The following VWC2 variants were observed in gnomAD, a reference collection of about 807,000 sequenced individuals.
The protein encoded by VWC2 is von Willebrand factor C domain containing 2.
VWC2 carries 14 observed loss-of-function variants against 29.8 expected under a neutral mutation model. The ratio of observed to expected loss-of-function variants is 0.47; its 90% CI spans 0.31 to 0.74. The LOEUF (loss-of-function observed/expected upper bound fraction) is 0.74. Ranked by LOEUF, VWC2 falls within the 30% of genes least tolerant of loss-of-function variation. The pLI is 0.05. For synonymous variants in VWC2, 213 were observed against 199.0 expected, an observed-to-expected ratio of 1.07 and a Z score of -0.59; for missense variants, 457 against 459.8, an observed-to-expected ratio of 0.99 and a Z score of 0.05.
rs1336221759 is a variant in VWC2, at chr7:49,775,769, C to G, written c.334C>G (p.Arg112Gly). 7 of 1,517,056 alleles carry G rather than the reference C, an allele frequency of 4.6e-6. No individual in the cohort carries two copies. In the East Asian group the frequency reaches 1.8e-4, roughly 38 times the overall value. The allele number at this position is 1,517,056 out of a possible 1,614,324, so 94.0% of individuals were successfully genotyped here. A position where few individuals can be genotyped will look rare whatever the true frequency, so the allele number is the denominator to read the frequency against. Residue 112 changes from arginine (R) to glycine (G), a missense_variant, in exon 2 of 4, where the codon CGG (arginine) becomes GGG (glycine). Arg to Gly is a moderately radical substitution (Grantham distance 125). Around this residue, in one of 2 missense-constraint regions of VWC2, gnomAD observed 272 missense variants for 202.7 expected, o/e 1.34. Coordinates refer to ENST00000340652, the MANE Select transcript of VWC2 (RefSeq NM_198570.5). Reference sequence around the variant, plus strand: ...CGCCAAGGCCGGGGATCTGCAGGTCCGGCCCCGCGGGGACACCCCGCAGGC... The same window carrying G: ...CGCCAAGGCCGGGGATCTGCAGGTCGGGCCCCGCGGGGACACCCCGCAGGC... The part of the protein sequence containing the change: ...GGAKAGDLQV[R>G]PRGDTPQAEA...
intron 3 of VWC2, among the ~76,000 whole-genome samples, chr7:49,909,651 T>C (rs1457775755): frequency 6.6e-6 from 1 of 152,196 alleles, no homozygotes; most frequent in African/African-American, 2.4e-5. Context: ...ATGCAGATAC[T>C]GGCCCCCTGG....
chr7:49,816,435 C>T (rs2128708437), intron 3 of VWC2, among the ~76,000 whole-genome samples: 1 of 152,246 alleles, frequency 6.6e-6, no homozygotes, highest in South Asian at 2.1e-4. Flanking sequence ...GTCAACTGCA[C>T]TTCATGGTTG....
At chr7:49,827,200 T>C (rs1789414864) in intron 3 of VWC2, among the ~76,000 whole-genome samples, 1 of 152,072 alleles carries the variant, frequency 6.6e-6, no homozygotes, top group South Asian at 2.1e-4. Context: ...CTCATATTTG[T>C]ATGTTTAGAT....
At chr7:49,790,282 C>T (rs533997374) in intron 2 of VWC2, among the ~76,000 whole-genome samples, 2 of 152,098 alleles carry the variant, frequency 1.3e-5, no homozygotes, top group Non-Finnish European at 2.9e-5. Context: ...CTGTGGTGCC[C>T]GAGAAGAAAG....
chr7:49,782,299 G>C (rs935658883), intron 2 of VWC2, among the ~76,000 whole-genome samples: 13 of 152,110 alleles, frequency 8.5e-5, no homozygotes, highest in Admixed American at 2.6e-4. Flanking sequence ...TTGTTCATAG[G>C]CAGTGAAAAT....
At chr7:49,879,143 G>A (rs771389287) in intron 3 of VWC2, among the ~76,000 whole-genome samples, 2 of 151,976 alleles carry the variant, frequency 1.3e-5, no homozygotes, top group African/African-American at 2.4e-5. Context: ...TAATGTCAAC[G>A]ACTATATTTC....
chr7:49,874,411 G>A (rs141472375), intron 3 of VWC2, among the ~76,000 whole-genome samples: 5 of 152,170 alleles, frequency 3.3e-5, no homozygotes, highest in Non-Finnish European at 5.9e-5. Flanking sequence ...AGGCTATATC[G>A]TACAGCCTAG....
intron 3 of VWC2, among the ~76,000 whole-genome samples, chr7:49,820,585 T>A (rs565116649): frequency 8.5e-5 from 13 of 152,354 alleles, no homozygotes; most frequent in African/African-American, 3.1e-4. Flanking sequence ...TCTTGAAATG[T>A]TTCATTAGTA....
intron 3 of VWC2, among the ~76,000 whole-genome samples, chr7:49,886,509 T>C (rs961322755): frequency 2.0e-5 from 3 of 152,206 alleles, no homozygotes; most frequent in Admixed American, 6.5e-5. Flanking sequence ...AAAATGTTAT[T>C]TCTTCTTTTG....
intron 2 of VWC2, among the ~76,000 whole-genome samples, chr7:49,793,757 G>A (rs1305623284): frequency 6.6e-6 from 1 of 152,048 alleles, no homozygotes; most frequent in Admixed American, 6.6e-5. Context: ...AGGGCTTTAG[G>A]TCTTTGATAG....
At chr7:49,838,841 G>A (rs1021433240) in intron 3 of VWC2, among the ~76,000 whole-genome samples, 1 of 152,058 alleles carries the variant, frequency 6.6e-6, no homozygotes, top group Non-Finnish European at 1.5e-5. Flanking sequence ...AGAAAACAAG[G>A]CTGAGAGGTG....
chr7:49,851,300 C>T (rs1790170217), intron 3 of VWC2, among the ~76,000 whole-genome samples: 1 of 152,164 alleles, frequency 6.6e-6, no homozygotes, highest in Non-Finnish European at 1.5e-5. Flanking sequence ...TTCTTAATTA[C>T]ATTTGCAAAA....
chr7:49,873,241 C>T (rs1791248415), intron 3 of VWC2, among the ~76,000 whole-genome samples: 1 of 152,104 alleles, frequency 6.6e-6, no homozygotes, highest in Non-Finnish European at 1.5e-5. Flanking sequence ...TTATTTTTTA[C>T]AGTTTTGGTG....
At chr7:49,891,614 A>T (rs903375378) in intron 3 of VWC2, among the ~76,000 whole-genome samples, 2 of 150,762 alleles carry the variant, frequency 1.3e-5, no homozygotes, top group East Asian at 1.9e-4. Context: ...ATATAACAAT[A>T]AAAAAAAACA....
intron 3 of VWC2, among the ~76,000 whole-genome samples, chr7:49,817,594 A>G (rs1007361029): frequency 3.3e-5 from 5 of 152,238 alleles, no homozygotes; most frequent in Non-Finnish European, 5.9e-5. Flanking sequence ...CTGCTCTTAC[A>G]CTAACAGCAA....
intron 3 of VWC2, among the ~76,000 whole-genome samples, chr7:49,861,127 C>G (rs1466596147): frequency 1.3e-5 from 2 of 152,208 alleles, no homozygotes; most frequent in Non-Finnish European, 2.9e-5. Context: ...TTTCAATTTA[C>G]AAGCATTACA....
chr7:49,875,146 C>G (rs1472018879), intron 3 of VWC2, among the ~76,000 whole-genome samples: 4 of 150,964 alleles, frequency 2.6e-5, no homozygotes, highest in Non-Finnish European at 5.9e-5. Flanking sequence ...CCGAGGCAGG[C>G]AGATCACAAG....
chr7:49,917,105 CT>C lies in VWC2; in HGVS notation c.*4923del, dbSNP rs1793764078. The C allele has an allele frequency of 6.6e-6, 1 of 152,054 alleles. No homozygotes were observed. Among genetic ancestry groups the C allele is most frequent in the African/African-American group, 2.4e-5 (1 of 41,382 alleles). The allele number at this position is 152,054 out of a possible 1,614,324, so 9.4% of individuals were successfully genotyped here. On this transcript the variant is annotated 3_prime_UTR_variant, in exon 4 of 4. Coordinates refer to ENST00000340652, the MANE Select transcript of VWC2 (RefSeq NM_198570.5). The stretch of plus-strand genomic sequence containing the variant: ...ATTGATCATTTCTGTGTGTTTTAAT[CT>C]TTCTACATAACATAATTAAACACCT...
intron 3 of VWC2, among the ~76,000 whole-genome samples, chr7:49,872,474 A>G (rs183085583): frequency 2.0e-5 from 3 of 152,240 alleles, no homozygotes; most frequent in African/African-American, 4.8e-5. Flanking sequence ...AAGTGTAGGG[A>G]AAAAAAGTAA....
Sources: gnomAD v4.1 joint callset for allele counts (sites outside exome capture counted in the v4.1 genomes callset) on GRCh38, gnomAD v4.1.1 for gene constraint, gnomAD v4.1.1 regional missense constraint, MANE v1.5 for transcripts, NCBI Gene and HGNC (gene_info 2026-07-23, HGNC 2026-07-21) for gene names.